Variants in ITSN2 observed in about 807,000 individuals in gnomAD.
ITSN2 encodes intersectin-2.
In ITSN2, 156 loss-of-function variants were observed where a neutral mutation model predicts 243.7. The ratio of observed to expected loss-of-function variants is 0.64; its 90% confidence interval spans 0.56 to 0.73. ITSN2 has a LOEUF of 0.73. Among genes scored for constraint, ITSN2 ranks in the 30% least tolerant of loss-of-function variants. The pLI is 0.00. For missense variants in ITSN2, 1,801 were observed against 1,996.1 expected (o/e 0.90, Z 1.86); for synonymous variants, 703 against 699.9 (o/e 1.00, Z -0.07).
chr2:24,327,272 AT>A (rs1298623075), intron 2 of ITSN2, among the ~76,000 whole-genome samples: 2 of 151,974 alleles, frequency 1.3e-5, no homozygotes, highest in African/African-American at 4.8e-5. Context: ...CATTATTCAA[AT>A]TACCTAAGCA....
rs762733333 is a variant in ITSN2, at chr2:24,248,878, A to C, written c.3125T>G (p.Phe1042Cys). ...TGCTCCAGACTTGCTAGCACTCCCA[A>C]AACTCTACAAGGAAAAGATACCGTG... is the stretch of plus-strand genomic sequence containing the variant. ...NYVKPKDQES[F>C]GSASKSGASN... The change falls in exon 26 of 40, where the codon TTT becomes TGT. Residue 1042 changes from phenylalanine to cysteine, a missense_variant. By Grantham distance (205) the Phe-to-Cys change is radical. This residue lies in a region of ITSN2 where 928 missense variants were observed against 1,065.4 expected (regional missense o/e 0.87). Coordinates refer to ENST00000355123, the MANE Select transcript of ITSN2 (RefSeq NM_006277.3). 7.4e-6 allele frequency: 12 copies of C among 1,613,492 alleles called. No homozygotes were observed. The South Asian group carries it at 1.2e-4, about 16-fold the overall frequency.
Position 24,257,913 on chromosome 2 carries a change from G to C in ITSN2, c.2863C>G (p.Pro955Ala). ...TCTTCCCGTTTTACTTCACTCCCAG[G>C]AATGATCTTGACATAAGATTTGGGA... ...WFPKSYVKII[P>A]GSEVKREEPE... is the part of the protein sequence containing the mutation. Residue 955 changes from proline to alanine, a missense_variant, in exon 23 of 40, where the codon CCT becomes GCT. Pro to Ala is a conservative substitution (Grantham distance 27, BLOSUM62 -1). Coordinates refer to ENST00000355123, the MANE Select transcript of ITSN2 (RefSeq NM_006277.3). The C allele has an allele frequency of 6.2e-7, 1 of 1,613,874 alleles. No individual in the cohort carries two copies. The highest frequency in any genetic ancestry group is 8.5e-7 in the Non-Finnish European group (1 of 1,179,854).
At chr2:24,231,808 T>C (rs1671626675) in intron 29 of ITSN2, among the ~76,000 whole-genome samples, 1 of 152,190 alleles carries the variant, frequency 6.6e-6, no homozygotes, top group Non-Finnish European at 1.5e-5. Flanking sequence ...CTTGCCCATT[T>C]GGAGGGGAGC....
intron 17 of ITSN2, among the ~76,000 whole-genome samples, chr2:24,281,094 C>T (rs554930285): frequency 1.6e-4 from 24 of 152,180 alleles, no homozygotes; most frequent in African/African-American, 5.5e-4. Context: ...AGTGGTGTAA[C>T]CTTGCCTCAC....
intron 8 of ITSN2, among the ~76,000 whole-genome samples, chr2:24,306,513 T>C (rs1682553284): frequency 6.6e-6 from 1 of 152,240 alleles, no homozygotes; most frequent in Non-Finnish European, 1.5e-5. Context: ...AAGTCATTCA[T>C]GTTGTTGCAG....
chr2:24,211,848 C>T lies in ITSN2; in HGVS notation c.4089+802G>A, dbSNP rs1267015883. Among the ~76,000 whole-genome samples the T allele has an allele frequency of 1.3e-5, 2 of 152,124 alleles. No individual in the cohort carries two copies. The highest frequency in any genetic ancestry group is 2.9e-5 in the Non-Finnish European group (2 of 68,018). On this transcript the variant is annotated intron_variant, in intron 33 of 39. Transcript: ENST00000355123. This position sits in a 1 kb window ranked among gnomAD's most constrained non-coding sequence, Gnocchi z 4.1. ...TTGAGCTACATTCCGAATTCTGAAA[C>T]ACATCTGGCCCCAAGTATTTCAATG... is the stretch of plus-strand genomic sequence containing the variant.
chr2:24,206,413 T>C, intron 37 of ITSN2: 1 of 288,006 alleles, frequency 3.5e-6, no homozygotes, highest in Non-Finnish European at 7.0e-6. Flanking sequence ...GGGAGGAAGG[T>C]GGAGATGCAG....
intron 1 of ITSN2, among the ~76,000 whole-genome samples, chr2:24,358,071 G>A (rs1049566590): frequency 2.0e-5 from 3 of 152,162 alleles, no homozygotes; most frequent in African/African-American, 7.2e-5. Context: ...ACGCCACCAT[G>A]CCAGGCTAAT....
At chr2:24,215,102 C>T (rs1669837072) in intron 32 of ITSN2, among the ~76,000 whole-genome samples, 2 of 152,202 alleles carry the variant, frequency 1.3e-5, no homozygotes, top group Admixed American at 1.3e-4. Flanking sequence ...ACAGTGTTCT[C>T]TCTCTGAGTA....
rs1323928417 is a variant in ITSN2 at position 24,220,959 on chromosome 2, G to C, written c.3685C>G (p.Gln1229Glu). 1.3e-6 allele frequency: 2 copies of C among 1,599,554 alleles called. No individual in the cohort carries two copies. The highest frequency in any genetic ancestry group is 1.4e-5 in the African/African-American group (1 of 73,998). Residue 1229 changes from glutamine to glutamate, a missense_variant, in exon 30 of 40, where the codon CAG (glutamine) becomes GAG (glutamate). Gln to Glu is a conservative substitution (Grantham distance 29). Transcript: ENST00000355123. ...AGCCTCCTCACCTCGACGACGAGCTGAAGGTCAGCCATGTACCGCTCTTCG... is the reference window on the plus strand; with the variant it reads ...AGCCTCCTCACCTCGACGACGAGCTCAAGGTCAGCCATGTACCGCTCTTCG... The part of the protein sequence containing the change: ...QTEERYMADL[Q>E]LVVEVFQKRM...
chr2:24,245,198 A>G (rs1673191375), intron 29 of ITSN2, among the ~76,000 whole-genome samples: 1 of 152,208 alleles, frequency 6.6e-6, no homozygotes, highest in Non-Finnish European at 1.5e-5. Flanking sequence ...ATACAGAGAG[A>G]TAATTTTATA....
Position 24,209,158 on chromosome 2 carries a change from A to G in ITSN2, c.4537T>C (p.Phe1513Leu), listed in dbSNP as rs761023901. Residue 1513 changes from phenylalanine to leucine, a missense_variant, in exon 36 of 40, where the codon TTC becomes CTC. Physicochemically the swap from Phe to Leu is conservative, Grantham distance 22 (BLOSUM62 0). Transcript: ENST00000355123. ...PTDPSSDEPV[F>L]HISHIDRVYT... ...ACCCGATCAATGTGGGAAATGTGGA[A>G]GACAGGCTCATCGCTGGAAGGGTCT... 1.9e-6 allele frequency: 3 copies of G among 1,614,154 alleles called. No individual in the cohort carries two copies. The highest frequency in any genetic ancestry group is 1.7e-5 in the Admixed American group (1 of 60,018).
At position 24,302,003 on chromosome 2, in the gene ITSN2, T is replaced by C. The variant is rs757585846; in HGVS notation, c.957A>G (p.Pro319=). The C allele has an allele frequency of 3.7e-6, 6 of 1,612,758 alleles. No individual in the cohort carries two copies. In the Admixed American group the frequency reaches 8.3e-5, roughly 22 times the overall value. Residue 319 remains proline, a synonymous_variant, in exon 10 of 40, where the codon CCA becomes CCG. Transcript: ENST00000355123. The part of the protein sequence containing the change: ...TDMAKAGQPL[P]LTLPPELVPP... ...GAACAAGCTCAGGAGGTAAAGTCAG[T>C]GGTAATGGCTGTCCAGCTTTGGCCA... is the stretch of plus-strand genomic sequence containing the variant.
At chr2:24,280,669 A>G (rs1017992583) in intron 17 of ITSN2, among the ~76,000 whole-genome samples, 1 of 152,124 alleles carries the variant, frequency 6.6e-6, no homozygotes, top group East Asian at 1.9e-4. Flanking sequence ...CCACTTTCAG[A>G]TGGTTATTTC....
intron 36 of ITSN2, 110 bp downstream of exon 36, chr2:24,208,990 G>A: frequency 8.1e-7 from 1 of 1,236,640 alleles, no homozygotes; most frequent in South Asian, 1.3e-5. Flanking sequence ...AGAGGTTCAG[G>A]ATACAGAATT....
Position 24,204,095 on chromosome 2 carries a change from A to C in ITSN2, c.4936+150T>G, listed in dbSNP as rs1573828992. ...GCCACCTCCTCCCCTGAGGAAGGCC[A>C]CCCACCTGCTGCCAAAGCGAGATGA... On this transcript the variant is annotated intron_variant, in intron 39 of 39. Transcript: ENST00000355123. This position sits in a 1 kb window ranked among gnomAD's most constrained non-coding sequence, Gnocchi z 5.1. The C allele has an allele frequency of 1.3e-6, 1 of 774,068 alleles. No homozygotes were observed. The highest frequency in any genetic ancestry group is 2.6e-5 in the East Asian group (1 of 38,200). The allele number at this position is 774,068 out of a possible 1,614,324, so 47.9% of individuals were successfully genotyped here.
intron 16 of ITSN2, 29 bp from the exon 17 acceptor site, chr2:24,284,872 T>C: frequency 9.2e-7 from 1 of 1,088,588 alleles, no homozygotes; most frequent in Non-Finnish European, 1.4e-6. Context: ...AAAAAGCCAA[T>C]TAAACTACGT....
intron 33 of ITSN2, among the ~76,000 whole-genome samples, chr2:24,212,372 T>C (rs557955773): frequency 6.6e-6 from 1 of 152,278 alleles, no homozygotes; most frequent in South Asian, 2.1e-4. Flanking sequence ...AGTATACTTA[T>C]GACTTTGAGA....
At chr2:24,311,923 C>T (rs967826578) in intron 5 of ITSN2, among the ~76,000 whole-genome samples, 9 of 152,030 alleles carry the variant, frequency 5.9e-5, no homozygotes, top group Non-Finnish European at 1.0e-4. Flanking sequence ...ATTGGCTATA[C>T]CTAGGGAGAC....
Sources: gnomAD v4.1 joint callset for allele counts (sites outside exome capture counted in the v4.1 genomes callset) on GRCh38, gnomAD v4.1.1 for gene constraint, gnomAD v4.1.1 regional missense constraint, Gnocchi (gnomAD v3.1) non-coding constraint, MANE v1.5 for transcripts, NCBI Gene and HGNC (gene_info 2026-07-23, HGNC 2026-07-21) for gene names.